CD59: variants seen among roughly 807,000 people sequenced by gnomAD.
The protein encoded by CD59 is CD59 glycoprotein.
CD59 carries 3 observed loss-of-function variants against 7.0 expected under a neutral mutation model. The ratio of observed to expected loss-of-function variants is 0.43; its 90% CI spans 0.19 to 1.10. The LOEUF is 1.10. CD59 is among the 50% of genes least tolerant of loss of function. CD59 has a pLI of 0.29. For synonymous variants in CD59, 60 were observed against 62.0 expected, an observed-to-expected ratio of 0.97 and a Z score of 0.15; for missense variants, 143 against 151.0, an observed-to-expected ratio of 0.95 and a Z score of 0.28.
chr11:33,710,092 CG>C lies in CD59; in HGVS notation c.*33del. 1 of 1,492,672 alleles carries C rather than the reference CG, an allele frequency of 6.7e-7. No homozygotes were observed. The highest frequency in any genetic ancestry group is 9.3e-7 in the Non-Finnish European group (1 of 1,076,082). The allele number at this position is 1,492,672 out of a possible 1,614,324, so 92.5% of individuals were successfully genotyped here. On this transcript the variant is annotated 3_prime_UTR_variant, in exon 4 of 4. Coordinates refer to ENST00000642928, the MANE Select transcript of CD59 (RefSeq NM_000611.6). ...CAAGAGAAAGCGGACTACGCAGGAA[CG>C]GGGAGTTTGGGAGAAGCTCTCCTGG... is the stretch of plus-strand genomic sequence containing the variant.
At chr11:33,731,587 G>A (rs556748223) in intron 1 of CD59, 3 of 152,284 alleles carry the variant, frequency 2.0e-5, no homozygotes, top group East Asian at 3.9e-4. Flanking sequence ...TTTAATTCAG[G>A]TGGGCTAGTG....
Position 33,709,777 on chromosome 11 carries a change from G to A in CD59, c.*349C>T, listed in dbSNP as rs1258425224. ...CAAAGATGTACTAATGATGCTAACTGACTACATCCAAGGAGCCAGAGGAAA... is the reference window on the plus strand; with the variant it reads ...CAAAGATGTACTAATGATGCTAACTAACTACATCCAAGGAGCCAGAGGAAA... On this transcript the variant is annotated 3_prime_UTR_variant, in exon 4 of 4. Coordinates refer to ENST00000642928, the MANE Select transcript of CD59 (RefSeq NM_000611.6). 2.4e-6 allele frequency: 1 copy of A among 414,182 alleles called. No individual in the cohort carries two copies. Among genetic ancestry groups the A allele is most frequent in the Non-Finnish European group, 4.5e-6 (1 of 221,602 alleles). 25.7% of individuals were successfully genotyped at this position (414,182 alleles called of 1,614,324 possible). A position where few individuals can be genotyped will look rare whatever the true frequency, so the allele number is the denominator to read the frequency against.
chr11:33,708,633 A>G lies in CD59; in HGVS notation c.*1493T>C, dbSNP rs1365636867. 1 of 151,774 alleles carries G rather than the reference A, an allele frequency of 6.6e-6. No homozygotes were observed. The highest frequency in any genetic ancestry group is 2.4e-5 in the African/African-American group (1 of 41,286). 9.4% of individuals were successfully genotyped at this position (151,774 alleles called of 1,614,324 possible). On this transcript the variant is annotated 3_prime_UTR_variant, in exon 4 of 4. Transcript: ENST00000642928. ...AAAAAAAAAACCTATTGATGTAAGGAAAGACACTGAGCTAACAGAGAACAC... is the reference window on the plus strand; with the variant it reads ...AAAAAAAAAACCTATTGATGTAAGGGAAGACACTGAGCTAACAGAGAACAC...
In CD59 at chr11:33,707,487, T is replaced by C. The variant is rs915730067; in HGVS notation, c.*2639A>G. ...GAGCTCCACTTATCTACTCATCAGG[T>C]GTTCCTTGCACCCCTAGCTCATCCC... is the stretch of plus-strand genomic sequence containing the variant. On this transcript the variant is annotated 3_prime_UTR_variant, in exon 4 of 4. Coordinates refer to ENST00000642928, the MANE Select transcript of CD59 (RefSeq NM_000611.6). 4 of 152,252 alleles carry C rather than the reference T, an allele frequency of 2.6e-5. No homozygotes were observed. Among genetic ancestry groups the C allele is most frequent in the African/African-American group, 9.6e-5 (4 of 41,460 alleles). The allele number at this position is 152,252 out of a possible 1,614,324, so 9.4% of individuals were successfully genotyped here. A position where few individuals can be genotyped will look rare whatever the true frequency, so the allele number is the denominator to read the frequency against.
intron 1 of CD59, among the ~76,000 whole-genome samples, chr11:33,734,869 T>C (rs1271572530): frequency 3.9e-5 from 6 of 152,252 alleles, no homozygotes; most frequent in African/African-American, 1.2e-4. Flanking sequence ...CAAGAGCTTC[T>C]ACCAGCAGCT....
chr11:33,719,884 T>C (rs1853974119), intron 2 of CD59, among the ~76,000 whole-genome samples: 1 of 152,250 alleles, frequency 6.6e-6, no homozygotes, highest in Non-Finnish European at 1.5e-5. Flanking sequence ...CAATTTTTCT[T>C]TGGTCCCTTC....
At chr11:33,729,765 G>A (rs913097096) in intron 1 of CD59, among the ~76,000 whole-genome samples, 1 of 151,378 alleles carries the variant, frequency 6.6e-6, no homozygotes, top group South Asian at 2.1e-4. Flanking sequence ...AAATGTTCTG[G>A]GTATTTGGGT....
intron 1 of CD59, among the ~76,000 whole-genome samples, chr11:33,732,081 T>C (rs1854434190): frequency 6.6e-6 from 1 of 152,216 alleles, no homozygotes; most frequent in Admixed American, 6.5e-5. Context: ...CAGTAAGACG[T>C]GCCTTTCACC....
intron 2 of CD59, 118 bp from the exon 3 acceptor site, chr11:33,717,589 G>T: frequency 1.4e-6 from 1 of 710,632 alleles, no homozygotes; most frequent in Non-Finnish European, 2.6e-6. Context: ...TTCCACTCCC[G>T]CACAAATGTA....
chr11:33,718,927 C>T (rs1853925004), intron 2 of CD59: 1 of 152,204 alleles, frequency 6.6e-6, no homozygotes, highest in Admixed American at 6.5e-5. Flanking sequence ...CCCCCTTTTC[C>T]ATCATCAGAG....
chr11:33,721,670 G>A (rs1478123045), intron 2 of CD59, among the ~76,000 whole-genome samples: 1 of 152,222 alleles, frequency 6.6e-6, no homozygotes, highest in Non-Finnish European at 1.5e-5. Context: ...CAGGGGAGGG[G>A]TGGCTGAGGA....
intron 1 of CD59, among the ~76,000 whole-genome samples, chr11:33,735,627 G>C (rs3181268): frequency 0.14 from 21,574 of 152,164 alleles, 1,984 homozygotes; most frequent in Non-Finnish European, 0.2. Flanking sequence ...TACTTAAAAC[G>C]TCCGTTTCGG....
intron 2 of CD59, among the ~76,000 whole-genome samples, chr11:33,720,281 C>T (rs914771426): frequency 2.6e-5 from 4 of 152,218 alleles, no homozygotes; most frequent in Admixed American, 2.6e-4. Context: ...ACTAAGTGAC[C>T]GAGCTGAGCT....
chr11:33,732,767 C>T (rs993774554), intron 1 of CD59, among the ~76,000 whole-genome samples: 1 of 152,168 alleles, frequency 6.6e-6, no homozygotes, highest in Non-Finnish European at 1.5e-5. Context: ...ATGCAACTAA[C>T]TTATGTGGTA....
Position 33,706,186 on chromosome 11 carries a change from C to T in CD59, c.*3940G>A, listed in dbSNP as rs1012906584. 1 of 152,020 alleles carries T rather than the reference C, an allele frequency of 6.6e-6. No individual in the cohort carries two copies. Among genetic ancestry groups the T allele is most frequent in the East Asian group, 1.9e-4 (1 of 5,190 alleles). 9.4% of individuals were successfully genotyped at this position (152,020 alleles called of 1,614,324 possible). A position where few individuals can be genotyped will look rare whatever the true frequency, so the allele number is the denominator to read the frequency against. ...GAAAATGTCCTTACCTACAATGAACCATCACAGGCACCCACCTAGAAATTA... is the reference window on the plus strand; with the variant it reads ...GAAAATGTCCTTACCTACAATGAACTATCACAGGCACCCACCTAGAAATTA... On this transcript the variant is annotated 3_prime_UTR_variant, in exon 4 of 4. Coordinates refer to ENST00000642928, the MANE Select transcript of CD59 (RefSeq NM_000611.6).
At chr11:33,714,728 TTTC>T (rs1477539440) in intron 3 of CD59, among the ~76,000 whole-genome samples, 1 of 152,162 alleles carries the variant, frequency 6.6e-6, no homozygotes, top group Non-Finnish European at 1.5e-5. Context: ...TTTAAAAACT[TTTC>T]TTGTTTTTGT....
At chr11:33,735,745 G>A (rs1854550048) in intron 1 of CD59, among the ~76,000 whole-genome samples, 1 of 151,934 alleles carries the variant, frequency 6.6e-6, no homozygotes, top group Non-Finnish European at 1.5e-5. Context: ...GGAAAACCCC[G>A]TTTCTACTAA....
At chr11:33,720,009 G>T (rs1157558540) in intron 2 of CD59, among the ~76,000 whole-genome samples, 1 of 152,250 alleles carries the variant, frequency 6.6e-6, no homozygotes, top group African/African-American at 2.4e-5. Context: ...TGTAGACATG[G>T]ATTTTTGTGG....
chr11:33,719,256 C>T (rs2133550061), intron 2 of CD59: 1 of 152,306 alleles, frequency 6.6e-6, no homozygotes, highest in Admixed American at 6.5e-5. Flanking sequence ...GGTGTGAAAT[C>T]CTACCCAATA....
Sources: allele counts gnomAD v4.1 joint callset (sites outside exome capture counted in the v4.1 genomes callset), GRCh38; gene constraint gnomAD v4.1.1; transcripts MANE v1.5; gene names NCBI Gene and HGNC (gene_info 2026-07-23, HGNC 2026-07-21).